Variants in CD96 observed in about 807,000 individuals in gnomAD.
The protein encoded by CD96 is T-cell surface protein tactile.
CD96 carries 70 observed loss-of-function variants against 71.3 expected under a neutral mutation model. The observed-to-expected ratio is 0.98, with a 90% CI of 0.81 to 1.20. The LOEUF is 1.20. Among genes scored for constraint, CD96 ranks in the 50% most tolerant of loss-of-function variants. The pLI is 0.00. For missense variants in CD96, 742 were observed against 677.5 expected (o/e 1.10, Z -1.06); for synonymous variants, 248 against 233.0 (o/e 1.06, Z -0.59).
chr3:111,657,761 T>A (rs1940268120), intron 14 of CD96, among the ~76,000 whole-genome samples: 1 of 152,020 alleles, frequency 6.6e-6, no homozygotes, highest in African/African-American at 2.4e-5. Context: ...TGCAAACTCA[T>A]GATTTCCACA....
intron 12 of CD96, among the ~76,000 whole-genome samples, chr3:111,646,321 A>G (rs6770144): frequency 0.22 from 34,179 of 152,046 alleles, 4,164 homozygotes; most frequent in African/African-American, 0.32. Context: ...TATGGAAAGT[A>G]TTCCAAGAAT....
chr3:111,553,056 T>C (rs1049592286), intron 2 of CD96, among the ~76,000 whole-genome samples: 2 of 151,808 alleles, frequency 1.3e-5, no homozygotes, highest in African/African-American at 4.8e-5. Context: ...TATTTTAGTA[T>C]GAATCTTTAA....
chr3:111,593,874 G>C (rs1158756533), intron 5 of CD96: 6 of 1,613,572 alleles, frequency 3.7e-6, no homozygotes, highest in African/African-American at 2.7e-5. Context: ...CTCTTCTCCA[G>C]CTCCTCTCTG....
rs371486316 is a variant in CD96, at chr3:111,564,284, C to A, written c.419-3239C>A. Among the ~76,000 whole-genome samples the A allele has an allele frequency of 1.3e-3, 201 of 151,504 alleles. 1 individual carries two copies. The South Asian group carries it at 0.018, about 13-fold the overall frequency. On this transcript the variant is annotated intron_variant, in intron 2 of 13. Transcript: ENST00000352690. ...TTTATTGTACATATATTTTTATCTT[C>A]TTTGCATATCATTTCCTTTGAATCT...
At chr3:111,567,494 C>G (rs1204923682) in intron 2 of CD96, 29 bp from the exon 3 acceptor site, 1 of 1,591,498 alleles carries the variant, frequency 6.3e-7, no homozygotes, top group Non-Finnish European at 8.6e-7. Context: ...CAGAGATTCA[C>G]ATATTTTCTA....
rs1934582920 is a variant in CD96 at position 111,549,438 on chromosome 3, A to C, written c.418+4036A>C. Reference sequence around the variant, plus strand: ...TCCTAAGAGCTGTGGGAACTAATTAAAAGGTGGTTGTTTTGTTTGATTTTT... The same window carrying C: ...TCCTAAGAGCTGTGGGAACTAATTACAAGGTGGTTGTTTTGTTTGATTTTT... On this transcript the variant is annotated intron_variant, in intron 2 of 13. Transcript: ENST00000352690. Among the ~76,000 whole-genome samples the C allele has an allele frequency of 2.0e-5, 3 of 152,174 alleles. No individual in the cohort carries two copies. In the South Asian group the frequency reaches 6.2e-4, roughly 32 times the overall value.
chr3:111,609,153 G>A (rs1418957517), intron 8 of CD96, among the ~76,000 whole-genome samples: 1 of 152,174 alleles, frequency 6.6e-6, no homozygotes, highest in Admixed American at 6.5e-5. Flanking sequence ...GAGCATTTGT[G>A]CAGTGACAAA....
At chr3:111,592,703 CCTCA>C (rs1937049065) in intron 5 of CD96, among the ~76,000 whole-genome samples, 1 of 152,166 alleles carries the variant, frequency 6.6e-6, no homozygotes, top group African/African-American at 2.4e-5. Context: ...TTCAGTTCTT[CCTCA>C]CTAACTCCTT....
At chr3:111,595,217 T>C (rs1033674983) in intron 5 of CD96, 4 of 152,756 alleles carry the variant, frequency 2.6e-5, no homozygotes, top group Non-Finnish European at 5.9e-5. Flanking sequence ...GGTCATTTCT[T>C]AAACTAATGA....
chr3:111,576,112 A>G (rs1445818847), intron 3 of CD96, among the ~76,000 whole-genome samples: 1 of 152,200 alleles, frequency 6.6e-6, no homozygotes, highest in African/African-American at 2.4e-5. Context: ...CATATATGTT[A>G]CCTCATTAAA....
intron 14 of CD96, among the ~76,000 whole-genome samples, chr3:111,658,091 A>C (rs746997809): frequency 6.6e-5 from 10 of 152,240 alleles, no homozygotes; most frequent in Admixed American, 2.6e-4. Context: ...ACTCAGAGAA[A>C]TGTCTAAGGA....
intron 2 of CD96, among the ~76,000 whole-genome samples, chr3:111,565,642 C>T (rs1011710867): frequency 1.3e-5 from 2 of 151,908 alleles, no homozygotes; most frequent in Non-Finnish European, 2.9e-5. Context: ...ATAGAAACAA[C>T]TCCATTTGGA....
chr3:111,556,736 G>T (rs1935072527), intron 2 of CD96, among the ~76,000 whole-genome samples: 1 of 149,236 alleles, frequency 6.7e-6, no homozygotes, highest in African/African-American at 2.5e-5. Context: ...GGGATGGCTG[G>T]CTCAAATGGT....
intron 4 of CD96, among the ~76,000 whole-genome samples, chr3:111,582,569 T>C (rs1246403054): frequency 6.6e-6 from 1 of 152,160 alleles, no homozygotes; most frequent in East Asian, 1.9e-4. Flanking sequence ...CTAAGCTGCA[T>C]TAGTTCATTT....
chr3:111,570,942 G>A (rs764997168), intron 3 of CD96: 6 of 1,562,720 alleles, frequency 3.8e-6, no homozygotes, highest in East Asian at 2.2e-5. Context: ...AAAGTAGGGG[G>A]TCTTGAGTGG....
chr3:111,585,204 T>A (rs1256135228), intron 4 of CD96, 119 bp from the exon 5 acceptor site: 1 of 349,468 alleles, frequency 2.9e-6, no homozygotes, highest in Non-Finnish European at 5.2e-6. Flanking sequence ...TAAATATTAA[T>A]TTATAAATAT....
chr3:111,643,550 G>T (rs1216760414), intron 12 of CD96, among the ~76,000 whole-genome samples: 3 of 152,084 alleles, frequency 2.0e-5, no homozygotes, highest in Admixed American at 2.0e-4. Context: ...GTCACTGTTT[G>T]CTGATGATGA....
chr3:111,653,053 G>A (rs1172844929), downstream of CD96, among the ~76,000 whole-genome samples: 1 of 152,174 alleles, frequency 6.6e-6, no homozygotes, highest in African/African-American at 2.4e-5. Context: ...TGCACCAGGA[G>A]AACTCCTCAG....
At chr3:111,551,860 T>A (rs1350739705) in intron 2 of CD96, among the ~76,000 whole-genome samples, 1 of 152,152 alleles carries the variant, frequency 6.6e-6, no homozygotes, top group South Asian at 2.1e-4. Flanking sequence ...TTTAGGTCTT[T>A]GACGAATGGC....
Sources: gnomAD v4.1 joint callset for allele counts (sites outside exome capture counted in the v4.1 genomes callset) on GRCh38, gnomAD v4.1.1 for gene constraint, MANE v1.5 for transcripts, NCBI Gene and HGNC (gene_info 2026-07-23, HGNC 2026-07-21) for gene names.